The following PRRC2C variants were observed in gnomAD, a reference collection of about 807,000 sequenced individuals.
PRRC2C encodes proline rich coiled-coil 2C.
In PRRC2C, 72 loss-of-function variants were observed where a neutral mutation model predicts 317.2. The ratio of observed to expected loss-of-function variants is 0.23; its 90% CI spans 0.19 to 0.28. The LOEUF (loss-of-function observed/expected upper bound fraction) is 0.28. PRRC2C is among the 10% of genes least tolerant of loss of function. The pLI is 1.00. For synonymous variants in PRRC2C, 1,296 were observed against 1,205.9 expected (o/e 1.07, Z -1.55); for missense variants, 3,074 against 3,459.7 (o/e 0.89, Z 2.80).
At chr1:171,580,987 C>G (rs953247278) in intron 28 of PRRC2C, among the ~76,000 whole-genome samples, 2 of 152,118 alleles carry the variant, frequency 1.3e-5, no homozygotes, top group African/African-American at 4.8e-5. Flanking sequence ...CCTAGAGAAG[C>G]CAGGTTCAGC....
At position 171,532,412 on chromosome 1, in the gene PRRC2C, G is replaced by A. The variant is rs759922027; in HGVS notation, c.1324G>A (p.Asp442Asn). The A allele has an allele frequency of 1.2e-6, 2 of 1,613,940 alleles. No homozygotes were observed. Among genetic ancestry groups the A allele is most frequent in the East Asian group, 2.2e-5 (1 of 44,884 alleles). The change falls in exon 12 of 35, where the codon GAT becomes AAT. Residue 442 changes from aspartate to asparagine, a missense_variant. Physicochemically the swap from Asp to Asn is conservative, Grantham distance 23. Around this residue, in one of 11 missense-constraint regions of PRRC2C, gnomAD observed 1,320 missense variants for 1,395.7 expected, o/e 0.95. Coordinates refer to ENST00000647382, the MANE Select transcript of PRRC2C (RefSeq NM_001387844.1). ...CTTTCCCTCCAAGCAGCAAGTAGCT[G>A]ATGAAGATGAAATATGGAAGCAAAG... ...GPFPSKQQVA[D>N]EDEIWKQRRR... is the part of the protein sequence containing the mutation.
Position 171,557,916 on chromosome 1 carries a change from A to T in PRRC2C, c.5804A>T (p.Gln1935Leu). The change falls in exon 19 of 35, where the codon CAG (glutamine) becomes CTG (leucine). Residue 1935 changes from glutamine (Q) to leucine (L), a missense_variant. By Grantham distance (113) the Gln-to-Leu change is moderately radical. Around this residue, in one of 11 missense-constraint regions of PRRC2C, gnomAD observed 640 missense variants for 676.1 expected, o/e 0.95. Transcript: ENST00000647382. ...NPAPPAPAQT[Q>L]AQTHKPVQNP... ...GCCCCACCTGCCCCAGCCCAGACTC[A>T]GGCACAGACCCACAAACCAGTCCAG... is the stretch of plus-strand genomic sequence containing the variant. 3 of 1,558,414 alleles carry T rather than the reference A, an allele frequency of 1.9e-6. No individual in the cohort carries two copies. Among genetic ancestry groups the T allele is most frequent in the Non-Finnish European group, 2.6e-6 (3 of 1,156,368 alleles).
intron 17 of PRRC2C, among the ~76,000 whole-genome samples, chr1:171,548,270 G>T (rs1449315720): frequency 6.6e-6 from 1 of 152,158 alleles, no homozygotes; most frequent in South Asian, 2.1e-4. Flanking sequence ...TGCCCAGCCA[G>T]TTTCTAAGGA....
chr1:171,568,084 C>T (rs577246879), intron 22 of PRRC2C, among the ~76,000 whole-genome samples, 163 bp from the exon 23 acceptor site: 6 of 152,166 alleles, frequency 3.9e-5, no homozygotes, highest in Non-Finnish European at 7.3e-5. Context: ...ACTTCAGTGA[C>T]TCAGGCACAA....
intron 14 of PRRC2C, 71 bp downstream of exon 14, chr1:171,536,349 T>G: frequency 6.7e-7 from 1 of 1,496,172 alleles, no homozygotes; most frequent in South Asian, 1.2e-5. Context: ...TTTCAGTTCC[T>G]TTGAGAGTTG....
At chr1:171,533,507 TTTTG>T (rs1241384774) in intron 12 of PRRC2C, among the ~76,000 whole-genome samples, 4 of 152,236 alleles carry the variant, frequency 2.6e-5, no homozygotes, top group Admixed American at 6.5e-5. Flanking sequence ...TAATCAACTT[TTTTG>T]TTCTTCTCCG....
At position 171,549,118 on chromosome 1, in the gene PRRC2C, A is replaced by G. The variant is rs79975489; in HGVS notation, c.4973-968A>G. ...GGGTCTACATAAAACAGAGACATTA[A>G]GAGTCATAAGACCAGCTAGGCTGGT... is the stretch of plus-strand genomic sequence containing the variant. On this transcript the variant is annotated intron_variant, in intron 17 of 34. Coordinates refer to ENST00000647382, the MANE Select transcript of PRRC2C (RefSeq NM_001387844.1). 3.8e-3 allele frequency among the ~76,000 whole-genome samples: 586 copies of G among 152,368 alleles called. 3 individuals carry two copies. Among genetic ancestry groups the G allele is most frequent in the African/African-American group, 0.013 (535 of 41,594 alleles).
chr1:171,583,214 C>T (rs990735122), intron 28 of PRRC2C, among the ~76,000 whole-genome samples: 7 of 152,240 alleles, frequency 4.6e-5, no homozygotes. Context: ...CCTCAAGCAG[C>T]CCTTTCACCT....
chr1:171,540,596 G>T lies in PRRC2C; in HGVS notation c.3130G>T (p.Val1044Phe). The T allele has an allele frequency of 6.2e-7, 1 of 1,613,852 alleles. No individual in the cohort carries two copies. The highest frequency in any genetic ancestry group is 1.1e-5 in the South Asian group (1 of 91,076). Reference sequence around the variant, plus strand: ...GAAAGAAGGAGAAAAGGCCGAAAAGGTCACTGAAAAAGTAGTTGTAAAGCC... The same window carrying T: ...GAAAGAAGGAGAAAAGGCCGAAAAGTTCACTGAAAAAGTAGTTGTAAAGCC... ...KEKEGEKAEKVTEKVVVKPEK... is the reference protein window; with the variant it reads ...KEKEGEKAEKFTEKVVVKPEK... Residue 1044 changes from valine (V) to phenylalanine (F), a missense_variant, in exon 16 of 35, where the codon GTC becomes TTC. Transcript: ENST00000647382.
Position 171,540,501 on chromosome 1 carries a change from T to G in PRRC2C, c.3035T>G (p.Val1012Gly), listed in dbSNP as rs1321958482. Residue 1012 changes from valine (V) to glycine (G), a missense_variant, in exon 16 of 35, where the codon GTG (valine) becomes GGG (glycine). Physicochemically the swap from Val to Gly is moderately radical, Grantham distance 109. Transcript: ENST00000647382. ...NRREEVNDRP[V>G]RRSGPIKKPV... ...AGGGAAGAAGTTAATGATAGACCTG[T>G]GAGAAGATCAGGTCCCATTAAAAAA... 6.2e-7 allele frequency: 1 copy of G among 1,613,060 alleles called. No homozygotes were observed.
chr1:171,579,511 T>A (rs763368397), intron 27 of PRRC2C, 45 bp downstream of exon 27: 3 of 1,599,072 alleles, frequency 1.9e-6, no homozygotes, highest in African/African-American at 1.3e-5. Flanking sequence ...TCCTTCGCAT[T>A]TCTGTGGTTA....
chr1:171,502,025 T>C (rs72717809), intron 1 of PRRC2C, among the ~76,000 whole-genome samples: 1 of 152,334 alleles, frequency 6.6e-6, no homozygotes, highest in Non-Finnish European at 1.5e-5. Flanking sequence ...TGGACTCAAA[T>C]AATCATCCCA....
intron 21 of PRRC2C, 70 bp downstream of exon 21, chr1:171,566,491 A>T (rs1287347757): frequency 1.3e-6 from 2 of 1,484,690 alleles, no homozygotes; most frequent in Admixed American, 2.6e-5. Flanking sequence ...TAATACTTTT[A>T]AAAGTGAACT....
intron 7 of PRRC2C, 132 bp from the exon 8 acceptor site, chr1:171,523,089 C>T: frequency 1.3e-6 from 1 of 751,418 alleles, no homozygotes; most frequent in Non-Finnish European, 2.0e-6. Flanking sequence ...TACACATGTC[C>T]ATGCAGAACA....
At chr1:171,586,979 A>G (rs746526726) in intron 30 of PRRC2C, 24 bp from the exon 31 acceptor site, 3 of 1,507,362 alleles carry the variant, frequency 2.0e-6, no homozygotes, top group Non-Finnish European at 2.7e-6. Flanking sequence ...AAATTGCTTC[A>G]GTTTCTCTTT....
intron 1 of PRRC2C, among the ~76,000 whole-genome samples, chr1:171,500,398 T>C (rs1280474286): frequency 6.6e-6 from 1 of 152,150 alleles, no homozygotes; most frequent in Non-Finnish European, 1.5e-5. Context: ...TTCTTTTTAA[T>C]TGTAATTTTT....
chr1:171,487,136 C>G (rs369016575), intron 1 of PRRC2C, among the ~76,000 whole-genome samples: 1 of 152,136 alleles, frequency 6.6e-6, no homozygotes, highest in Non-Finnish European at 1.5e-5. Flanking sequence ...TGACCTTTTG[C>G]TATACACTGA....
intron 19 of PRRC2C, 79 bp downstream of exon 19, chr1:171,558,222 CTT>C (rs1306671086): frequency 7.1e-7 from 1 of 1,404,648 alleles, no homozygotes; most frequent in Non-Finnish European, 9.4e-7. Context: ...TTTATATACT[CTT>C]TAAGTGTTTT....
chr1:171,558,884 C>T (rs973729574), intron 19 of PRRC2C, among the ~76,000 whole-genome samples: 4 of 152,118 alleles, frequency 2.6e-5, no homozygotes, highest in Non-Finnish European at 4.4e-5. Context: ...CAAGATAGGT[C>T]AAAAGTTAAG....
Sources: gnomAD v4.1 joint callset for allele counts (sites outside exome capture counted in the v4.1 genomes callset) on GRCh38, gnomAD v4.1.1 for gene constraint, gnomAD v4.1.1 regional missense constraint, MANE v1.5 for transcripts, NCBI Gene and HGNC (gene_info 2026-07-23, HGNC 2026-07-21) for gene names.